CNTNAP2: variants seen among roughly 807,000 people sequenced by gnomAD.
CNTNAP2 encodes contactin-associated protein-like 2.
CNTNAP2 carries 98 observed loss-of-function variants against 155.2 expected under a neutral mutation model. That is an observed-to-expected ratio of 0.63 (90% CI 0.54 to 0.75). The LOEUF (loss-of-function observed/expected upper bound fraction) is 0.75, where lower values mean the gene tolerates loss of function less well. Ranked by LOEUF, CNTNAP2 falls within the 30% of genes least tolerant of loss-of-function variation. The pLI is 0.00. For missense variants in CNTNAP2, 1,727 were observed against 1,688.1 expected (o/e 1.02, Z -0.40); for synonymous variants, 651 against 631.2 (o/e 1.03, Z -0.47).
intron 1 of CNTNAP2, among the ~76,000 whole-genome samples, chr7:146,645,770 A>AGTGTGT (rs35384532): frequency 1.4e-4 from 21 of 150,730 alleles, no homozygotes; most frequent in Admixed American, 7.9e-4. Context: ...TAAGCTACCC[A>AGTGTGT]GTGTGTGTGT....
intron 3 of CNTNAP2, among the ~76,000 whole-genome samples, chr7:146,870,470 C>G (rs542806261): frequency 7.7e-4 from 117 of 152,210 alleles, no homozygotes; most frequent in African/African-American, 2.8e-3. Context: ...GTTGTTCTCT[C>G]TTTCCATTAG....
At chr7:146,291,709 A>G (rs1376687409) in intron 1 of CNTNAP2, among the ~76,000 whole-genome samples, 2 of 152,220 alleles carry the variant, frequency 1.3e-5, no homozygotes, top group African/African-American at 2.4e-5. Flanking sequence ...TCATTATAAA[A>G]AGGACCAAAT....
chr7:146,571,818 G>A (rs1447505801), intron 1 of CNTNAP2, among the ~76,000 whole-genome samples: 2 of 150,554 alleles, frequency 1.3e-5, no homozygotes, highest in African/African-American at 2.4e-5. Flanking sequence ...TGCAACCTCC[G>A]ACTCCCAGGT....
intron 10 of CNTNAP2, among the ~76,000 whole-genome samples, chr7:147,407,776 A>G (rs1563193218): frequency 1.3e-5 from 2 of 152,218 alleles, no homozygotes; most frequent in African/African-American, 4.8e-5. Context: ...AATAAGAGGA[A>G]TAAAACCACT....
intron 13 of CNTNAP2, among the ~76,000 whole-genome samples, chr7:147,763,209 A>G (rs1356087814): frequency 2.0e-5 from 3 of 151,610 alleles, no homozygotes; most frequent in Non-Finnish European, 2.9e-5. Flanking sequence ...TGGTGAGCCA[A>G]GATCATGCCA....
intron 20 of CNTNAP2, among the ~76,000 whole-genome samples, chr7:148,251,376 C>T (rs898262025): frequency 1.3e-5 from 2 of 152,182 alleles, no homozygotes; most frequent in African/African-American, 4.8e-5. Flanking sequence ...GCTTCTTTGT[C>T]CTAAGGACAC....
chr7:146,565,166 A>T (rs1412407419), intron 1 of CNTNAP2, among the ~76,000 whole-genome samples: 1 of 151,824 alleles, frequency 6.6e-6, no homozygotes, highest in African/African-American at 2.4e-5. Flanking sequence ...CACACACACG[A>T]CATTAAGGGC....
At chr7:147,681,914 A>G (rs1795952410) in intron 13 of CNTNAP2, among the ~76,000 whole-genome samples, 1 of 151,906 alleles carries the variant, frequency 6.6e-6, no homozygotes, top group Admixed American at 6.6e-5. Flanking sequence ...TGTGTCACCC[A>G]TGGATAAAGG....
At chr7:147,192,704 T>C (rs1802705012) in intron 8 of CNTNAP2, among the ~76,000 whole-genome samples, 1 of 152,228 alleles carries the variant, frequency 6.6e-6, no homozygotes, top group African/African-American at 2.4e-5. Context: ...AGAGTACTTG[T>C]TCCCTTTCCT....
intron 4 of CNTNAP2, among the ~76,000 whole-genome samples, chr7:147,107,069 TTTG>T (rs1800780402): frequency 6.6e-6 from 1 of 152,198 alleles, no homozygotes. Context: ...AGCTGTTCCG[TTTG>T]ACTAGGCTTT....
At chr7:146,331,282 C>T (rs994532046) in intron 1 of CNTNAP2, among the ~76,000 whole-genome samples, 1 of 139,896 alleles carries the variant, frequency 7.1e-6, no homozygotes, top group Non-Finnish European at 1.5e-5. Context: ...CCAGCCTGGG[C>T]GACAGAGCGA....
chr7:147,044,793 T>G (rs2129255686), intron 4 of CNTNAP2, among the ~76,000 whole-genome samples: 1 of 152,230 alleles, frequency 6.6e-6, no homozygotes, highest in East Asian at 1.9e-4. Context: ...CTTGTTTGCC[T>G]GTCTGTCCTT....
intron 1 of CNTNAP2, among the ~76,000 whole-genome samples, chr7:146,741,381 G>A (rs1226023958): frequency 6.6e-6 from 1 of 152,090 alleles, no homozygotes; most frequent in African/African-American, 2.4e-5. Context: ...TGCTGTGCTG[G>A]ATATTATCAT....
chr7:147,848,665 G>T (rs1389032684), intron 13 of CNTNAP2, among the ~76,000 whole-genome samples: 1 of 151,968 alleles, frequency 6.6e-6, no homozygotes, highest in Non-Finnish European at 1.5e-5. Flanking sequence ...TAAGAATTTG[G>T]CCTGTCTGAA....
intron 15 of CNTNAP2, among the ~76,000 whole-genome samples, chr7:148,064,741 G>A (rs922536003): frequency 6.7e-6 from 1 of 150,006 alleles, no homozygotes; most frequent in Non-Finnish European, 1.5e-5. Flanking sequence ...TCTCTACAAG[G>A]AAAACTACAA....
At chr7:147,543,669 G>A (rs1003201894) in intron 11 of CNTNAP2, among the ~76,000 whole-genome samples, 5 of 152,108 alleles carry the variant, frequency 3.3e-5, no homozygotes, top group South Asian at 2.1e-4. Flanking sequence ...AACCATAGGC[G>A]TGATCTTGAT....
At chr7:147,227,577 C>T (rs1001140703) in intron 8 of CNTNAP2, among the ~76,000 whole-genome samples, 13 of 152,034 alleles carry the variant, frequency 8.6e-5, no homozygotes, top group East Asian at 1.9e-4. Flanking sequence ...AACAGATGGA[C>T]GAAAGGGAAC....
chr7:147,899,855 T>G (rs1799833886), intron 13 of CNTNAP2, among the ~76,000 whole-genome samples: 2 of 151,234 alleles, frequency 1.3e-5, no homozygotes, highest in African/African-American at 2.4e-5. Context: ...ACTGCACTAC[T>G]GCACTCCAGC....
At chr7:147,398,610 C>CTTTTTTTTTTTTTTTTT (rs1438410296) in intron 10 of CNTNAP2, among the ~76,000 whole-genome samples, 1 of 43,704 alleles carries the variant, frequency 2.3e-5, no homozygotes, top group Non-Finnish European at 4.9e-5. Context: ...TTTTTTTTTG[C>CTTTTTTTTTTTTTTTTT]TTTGTGTGTA....
Sources: gnomAD v4.1 joint callset for allele counts (sites outside exome capture counted in the v4.1 genomes callset) on GRCh38, gnomAD v4.1.1 for gene constraint, MANE v1.5 for transcripts, NCBI Gene and HGNC (gene_info 2026-07-23, HGNC 2026-07-21) for gene names.